Variants in OR5D14 observed in about 807,000 individuals in gnomAD.
OR5D14 encodes the protein olfactory receptor 5D14.
For synonymous variants in OR5D14, 187 were observed against 138.2 expected (o/e 1.35, Z -2.48); for missense variants, 466 against 375.5 (o/e 1.24, Z -1.99).
Position 55,796,262 on chromosome 11 carries a change from G to A in OR5D14, c.707G>A (p.Arg236His), listed in dbSNP as rs67863827. The stretch of plus-strand genomic sequence containing the variant: ...CTAAAAATCCGTTCTGTTAGTGGGC[G>A]CCACAAAGCCTTCTCCACCTGGGCC... ...TVLKIRSVSG[R>H]HKAFSTWASH... is the part of the protein sequence containing the mutation. The change falls in exon 1 of 1, where the codon CGC (arginine) becomes CAC (histidine). Residue 236 changes from arginine to histidine, a missense_variant. Coordinates refer to ENST00000335605, the MANE Select transcript of OR5D14 (RefSeq NM_001004735.1). 133,770 of 1,613,142 alleles carry A rather than the reference G, an allele frequency of 0.083. 5,925 individuals are homozygous for A. The highest frequency in any genetic ancestry group is 0.13 in the African/African-American group (9,662 of 74,750).
Position 55,796,365 on chromosome 11 carries a change from G to T in OR5D14, c.810G>T (p.Arg270=). 6.2e-7 allele frequency: 1 copy of T among 1,613,770 alleles called. No individual in the cohort carries two copies. The highest frequency in any genetic ancestry group is 2.2e-5 in the East Asian group (1 of 44,880). The change falls in exon 1 of 1, where the codon CGG becomes CGT. Residue 270 remains arginine, a synonymous_variant. Coordinates refer to ENST00000335605, the MANE Select transcript of OR5D14 (RefSeq NM_001004735.1). The stretch of plus-strand genomic sequence containing the variant: ...GTGTACCCAACTCCAAAAACTCTCG[G>T]CAAACAGTCAAAGTGGCCTCTGTAT... ...LYCVPNSKNS[R]QTVKVASVFY... is the part of the protein sequence containing the mutation.
Position 55,796,407 on chromosome 11 carries a change from C to T in OR5D14, c.852C>T (p.Asn284=). The T allele has an allele frequency of 6.2e-7, 1 of 1,613,712 alleles. No individual in the cohort carries two copies. Among genetic ancestry groups the T allele is most frequent in the Non-Finnish European group, 8.5e-7 (1 of 1,179,832 alleles). Residue 284 remains asparagine (N), a synonymous_variant, in exon 1 of 1, where the codon AAC becomes AAT. Transcript: ENST00000335605. ...KVASVFYTVV[N]PMLNPLIYSL... Reference sequence around the variant, plus strand: ...CCTCTGTATTTTACACAGTTGTCAACCCCATGCTGAACCCTCTGATCTACA... The same window carrying T: ...CCTCTGTATTTTACACAGTTGTCAATCCCATGCTGAACCCTCTGATCTACA...
At position 55,795,581 on chromosome 11, in the gene OR5D14, G is replaced by A. The variant is rs1273029516; in HGVS notation, c.26G>A (p.Ser9Asn). 4 of 1,601,542 alleles carry A rather than the reference G, an allele frequency of 2.5e-6. No individual in the cohort carries two copies. The South Asian group carries it at 4.5e-5, about 18-fold the overall frequency. The change falls in exon 1 of 1, where the codon AGC becomes AAC. Residue 9 changes from serine (S) to asparagine (N), a missense_variant. Coordinates refer to ENST00000335605, the MANE Select transcript of OR5D14 (RefSeq NM_001004735.1). MMMVLRNL[S>N]MEPTFALLGF... ...ATGATGATGGTTTTAAGGAATCTGA[G>A]CATGGAGCCCACCTTTGCCCTTTTA...
chr11:55,796,478 A>G lies in OR5D14; in HGVS notation c.923A>G (p.His308Arg). The G allele has an allele frequency of 6.2e-7, 1 of 1,603,096 alleles. No individual in the cohort carries two copies. The highest frequency in any genetic ancestry group is 8.5e-7 in the Non-Finnish European group (1 of 1,175,238). ...AAGGATGCTTTCTGGAAGTTAATAC[A>G]TACACAAGTTCCATTTCACTGAACC... Reference protein sequence around the residue: ...DVKDAFWKLIHTQVPFH With the variant: ...DVKDAFWKLIRTQVPFH Residue 308 changes from histidine (H) to arginine (R), a missense_variant, in exon 1 of 1, where the codon CAT (histidine) becomes CGT (arginine). Transcript: ENST00000335605.
At position 55,795,933 on chromosome 11, in the gene OR5D14, G is replaced by A. The variant is rs1271112678; in HGVS notation, c.378G>A (p.Val126=). Residue 126 remains valine, a synonymous_variant, in exon 1 of 1, where the codon GTG becomes GTA. Transcript: ENST00000335605. ...LLAVMAYDRF[V]AICNPLLYTV... ...CAGTGATGGCCTATGACCGCTTTGT[G>A]GCCATCTGCAATCCTCTGCTTTATA... The A allele has an allele frequency of 6.2e-7, 1 of 1,613,744 alleles. No homozygotes were observed. The highest frequency in any genetic ancestry group is 8.5e-7 in the Non-Finnish European group (1 of 1,180,016).
Position 55,795,564 on chromosome 11 carries a change from G to T in OR5D14, c.9G>T (p.Met3Ile), listed in dbSNP as rs1853513195. 6.3e-7 allele frequency: 1 copy of T among 1,576,028 alleles called. No homozygotes were observed. ...TTCCATTAAAAGGAATTATGATGATGGTTTTAAGGAATCTGAGCATGGAGC... is the reference window on the plus strand; with the variant it reads ...TTCCATTAAAAGGAATTATGATGATTGTTTTAAGGAATCTGAGCATGGAGC... MMMVLRNLSMEPT... is the reference protein window; with the variant it reads MMIVLRNLSMEPT... The change falls in exon 1 of 1, where the codon ATG (methionine) becomes ATT (isoleucine). Residue 3 changes from methionine to isoleucine, a missense_variant. Physicochemically the swap from Met to Ile is conservative, Grantham distance 10. Transcript: ENST00000335605.
At position 55,796,043 on chromosome 11, in the gene OR5D14, G is replaced by T. The variant is rs1257436561; in HGVS notation, c.488G>T (p.Cys163Phe). ...WGMFGPLVLL[C>F]YALRLNFSGP... ...ATGTTTGGCCCCTTGGTACTCCTTT[G>T]TTATGCTCTCCGGTTAAACTTCTCT... Residue 163 changes from cysteine (C) to phenylalanine (F), a missense_variant, in exon 1 of 1, where the codon TGT becomes TTT. Transcript: ENST00000335605. 6.2e-7 allele frequency: 1 copy of T among 1,613,894 alleles called. No individual in the cohort carries two copies. Among genetic ancestry groups the T allele is most frequent in the Admixed American group, 1.7e-5 (1 of 59,988 alleles).
Position 55,795,561 on chromosome 11 carries a change from G to A in OR5D14, c.6G>A (p.Met2Ile). The change falls in exon 1 of 1, where the codon ATG becomes ATA. Residue 2 changes from methionine to isoleucine, a missense_variant. By Grantham distance (10) the Met-to-Ile change is conservative. Transcript: ENST00000335605. Reference sequence around the variant, plus strand: ...CCCTTCCATTAAAAGGAATTATGATGATGGTTTTAAGGAATCTGAGCATGG... The same window carrying A: ...CCCTTCCATTAAAAGGAATTATGATAATGGTTTTAAGGAATCTGAGCATGG... MMMVLRNLSMEP... is the reference protein window; with the variant it reads MIMVLRNLSMEP... 6.4e-7 allele frequency: 1 copy of A among 1,571,602 alleles called. No homozygotes were observed. Among genetic ancestry groups the A allele is most frequent in the Non-Finnish European group, 8.6e-7 (1 of 1,159,412 alleles).
rs1853525768 is a variant in OR5D14 at position 55,796,268 on chromosome 11, A to G, written c.713A>G (p.Lys238Arg). The change falls in exon 1 of 1, where the codon AAA becomes AGA. Residue 238 changes from lysine to arginine, a missense_variant. Physicochemically the swap from Lys to Arg is conservative, Grantham distance 26 (BLOSUM62 2). Transcript: ENST00000335605. ...ATCCGTTCTGTTAGTGGGCGCCACA[A>G]AGCCTTCTCCACCTGGGCCTCCCAC... ...LKIRSVSGRH[K>R]AFSTWASHLT... 6.2e-7 allele frequency: 1 copy of G among 1,613,646 alleles called. No homozygotes were observed. Among genetic ancestry groups the G allele is most frequent in the South Asian group, 1.1e-5 (1 of 91,082 alleles).
rs1853526923 is a variant in OR5D14, at chr11:55,796,332, C to T, written c.777C>T (p.Phe259=). The T allele has an allele frequency of 3.1e-6, 5 of 1,613,860 alleles. No homozygotes were observed. The highest frequency in any genetic ancestry group is 4.2e-6 in the Non-Finnish European group (5 of 1,180,002). ...CCATCTTCCATGGGACCATCCTTTT[C>T]CTTTACTGTGTACCCAACTCCAAAA... ...SITIFHGTIL[F]LYCVPNSKNS... Residue 259 remains phenylalanine, a synonymous_variant, in exon 1 of 1, where the codon TTC becomes TTT. Coordinates refer to ENST00000335605, the MANE Select transcript of OR5D14 (RefSeq NM_001004735.1).
Position 55,795,901 on chromosome 11 carries a change from T to G in OR5D14, c.346T>G (p.Leu116Val). 6.2e-7 allele frequency: 1 copy of G among 1,613,960 alleles called. No homozygotes were observed. The highest frequency in any genetic ancestry group is 8.5e-7 in the Non-Finnish European group (1 of 1,179,996). ...SCTAVVTESF[L>V]LAVMAYDRFV... The stretch of plus-strand genomic sequence containing the variant: ...CACTGCTGTGGTGACAGAGTCTTTC[T>G]TGCTGGCAGTGATGGCCTATGACCG... Residue 116 changes from leucine (L) to valine (V), a missense_variant, in exon 1 of 1, where the codon TTG becomes GTG. By Grantham distance (32) the Leu-to-Val change is conservative (BLOSUM62 1). Coordinates refer to ENST00000335605, the MANE Select transcript of OR5D14 (RefSeq NM_001004735.1).
chr11:55,796,083 C>T lies in OR5D14; in HGVS notation c.528C>T (p.Ile176=). ...TAAACTTCTCTGGACCTAATGTAAT[C>T]AACCACTTCTTTTGTGAGTATACTG... ...LRLNFSGPNV[I]NHFFCEYTAL... is the part of the protein sequence containing the mutation. Residue 176 remains isoleucine (I), a synonymous_variant, in exon 1 of 1, where the codon ATC becomes ATT. Coordinates refer to ENST00000335605, the MANE Select transcript of OR5D14 (RefSeq NM_001004735.1). 1 of 1,613,984 alleles carries T rather than the reference C, an allele frequency of 6.2e-7. No homozygotes were observed. The highest frequency in any genetic ancestry group is 1.1e-5 in the South Asian group (1 of 91,082).
rs770126957 is a variant in OR5D14, at chr11:55,795,688, C to T, written c.133C>T (p.Leu45Phe). ...GTATGTTATCACAGTGGTAGGAAAC[C>T]TTGGGATGATCATAATAATCAAGAT... ...LMYVITVVGN[L>F]GMIIIIKINP... Residue 45 changes from leucine (L) to phenylalanine (F), a missense_variant, in exon 1 of 1, where the codon CTT becomes TTT. By Grantham distance (22) the Leu-to-Phe change is conservative. Transcript: ENST00000335605. The T allele has an allele frequency of 2.5e-6, 4 of 1,612,010 alleles. No individual in the cohort carries two copies. The South Asian group carries it at 3.3e-5, about 13-fold the overall frequency.
chr11:55,795,692 G>C lies in OR5D14; in HGVS notation c.137G>C (p.Gly46Ala), dbSNP rs1318835338. ...GTTATCACAGTGGTAGGAAACCTTG[G>C]GATGATCATAATAATCAAGATTAAC... is the stretch of plus-strand genomic sequence containing the variant. ...MYVITVVGNL[G>A]MIIIIKINPK... The change falls in exon 1 of 1, where the codon GGG becomes GCG. Residue 46 changes from glycine to alanine, a missense_variant. Gly to Ala is a moderately conservative substitution (Grantham distance 60). Coordinates refer to ENST00000335605, the MANE Select transcript of OR5D14 (RefSeq NM_001004735.1). 1 of 1,612,426 alleles carries C rather than the reference G, an allele frequency of 6.2e-7. No individual in the cohort carries two copies. Among genetic ancestry groups the C allele is most frequent in the African/African-American group, 1.3e-5 (1 of 74,724 alleles).
At position 55,795,675 on chromosome 11, in the gene OR5D14, AGTGGTAG is replaced by A. The variant is rs749136894; in HGVS notation, c.122_128del (p.Val41GlufsTer5). 6.2e-7 allele frequency: 1 copy of A among 1,612,198 alleles called. No homozygotes were observed. The highest frequency in any genetic ancestry group is 1.1e-5 in the South Asian group (1 of 91,058). On this transcript the variant is annotated frameshift_variant, in exon 1 of 1. Coordinates refer to ENST00000335605, the MANE Select transcript of OR5D14 (RefSeq NM_001004735.1). LOFTEE classifies it low-confidence loss of function (END_TRUNC). The stretch of plus-strand genomic sequence containing the variant: ...TGTTTCTGCTCATGTATGTTATCAC[AGTGGTAG>A]GAAACCTTGGGATGATCATAATAAT...
Position 55,796,406 on chromosome 11 carries a change from A to G in OR5D14, c.851A>G (p.Asn284Ser). ...KVASVFYTVV[N>S]PMLNPLIYSL... ...GCCTCTGTATTTTACACAGTTGTCA[A>G]CCCCATGCTGAACCCTCTGATCTAC... Residue 284 changes from asparagine (N) to serine (S), a missense_variant, in exon 1 of 1, where the codon AAC becomes AGC. Asn to Ser is a conservative substitution (Grantham distance 46). Coordinates refer to ENST00000335605, the MANE Select transcript of OR5D14 (RefSeq NM_001004735.1). 1 of 1,613,806 alleles carries G rather than the reference A, an allele frequency of 6.2e-7. No homozygotes were observed. Among genetic ancestry groups the G allele is most frequent in the Non-Finnish European group, 8.5e-7 (1 of 1,179,884 alleles).
chr11:55,796,386 T>A lies in OR5D14; in HGVS notation c.831T>A (p.Ser277=), dbSNP rs142564847. 2.3e-4 allele frequency: 367 copies of A among 1,613,830 alleles called. 3 individuals carry two copies. The African/African-American group carries it at 4.4e-3, about 19-fold the overall frequency. Residue 277 remains serine (S), a synonymous_variant, in exon 1 of 1, where the codon TCT becomes TCA. Coordinates refer to ENST00000335605, the MANE Select transcript of OR5D14 (RefSeq NM_001004735.1). The stretch of plus-strand genomic sequence containing the variant: ...CTCGGCAAACAGTCAAAGTGGCCTC[T>A]GTATTTTACACAGTTGTCAACCCCA... The part of the protein sequence containing the change: ...KNSRQTVKVA[S]VFYTVVNPML...
At position 55,795,870 on chromosome 11, in the gene OR5D14, G is replaced by T. The variant is rs1331231892; in HGVS notation, c.315G>T (p.Leu105=). ...FYFSCMMQYF[L]SCTAVVTESF... is the part of the protein sequence containing the mutation. ...TTAGCTGCATGATGCAGTACTTCCT[G>T]TCCTGCACTGCTGTGGTGACAGAGT... The change falls in exon 1 of 1, where the codon CTG becomes CTT. Residue 105 remains leucine (L), a synonymous_variant. Coordinates refer to ENST00000335605, the MANE Select transcript of OR5D14 (RefSeq NM_001004735.1). 4 of 1,613,902 alleles carry T rather than the reference G, an allele frequency of 2.5e-6. No homozygotes were observed. The highest frequency in any genetic ancestry group is 3.4e-6 in the Non-Finnish European group (4 of 1,179,970).
rs1853519337 is a variant in OR5D14, at chr11:55,795,907, G to A, written c.352G>A (p.Ala118Thr). ...TAVVTESFLL[A>T]VMAYDRFVAI... ...TGTGGTGACAGAGTCTTTCTTGCTG[G>A]CAGTGATGGCCTATGACCGCTTTGT... The change falls in exon 1 of 1, where the codon GCA (alanine) becomes ACA (threonine). Residue 118 changes from alanine (A) to threonine (T), a missense_variant. Ala to Thr is a moderately conservative substitution (Grantham distance 58, BLOSUM62 0). Coordinates refer to ENST00000335605, the MANE Select transcript of OR5D14 (RefSeq NM_001004735.1). 6.2e-7 allele frequency: 1 copy of A among 1,613,708 alleles called. No individual in the cohort carries two copies. Among genetic ancestry groups the A allele is most frequent in the East Asian group, 2.2e-5 (1 of 44,876 alleles).
Sources: gnomAD v4.1 joint callset for allele counts on GRCh38, gnomAD v4.1.1 for gene constraint, MANE v1.5 for transcripts, NCBI Gene and HGNC (gene_info 2026-07-23, HGNC 2026-07-21) for gene names.